FNDC3B: variants seen among roughly 807,000 people sequenced by gnomAD.
FNDC3B encodes fibronectin type III domain-containing protein 3B.
FNDC3B carries 12 observed loss-of-function variants against 151.5 expected under a neutral mutation model. The ratio of observed to expected loss-of-function variants is 0.08; its 90% CI spans 0.05 to 0.13. The LOEUF (loss-of-function observed/expected upper bound fraction) is 0.13. Among genes scored for constraint, FNDC3B ranks in the 10% least tolerant of loss-of-function variants. The pLI is 1.00. For synonymous variants in FNDC3B, 528 were observed against 549.0 expected (o/e 0.96, Z 0.54); for missense variants, 1,214 against 1,505.3 (o/e 0.81, Z 3.20).
chr3:172,196,444 C>T (rs1724837722), intron 3 of FNDC3B, among the ~76,000 whole-genome samples: 1 of 152,110 alleles, frequency 6.6e-6, no homozygotes, highest in Non-Finnish European at 1.5e-5. Context: ...CCCTGACCTA[C>T]CAAAGTACTG....
chr3:172,131,396 GAAAA>G (rs1236059229), intron 2 of FNDC3B, among the ~76,000 whole-genome samples: 4 of 106,334 alleles, frequency 3.8e-5, no homozygotes, highest in Admixed American at 9.8e-5. Context: ...TCCGTCTCAA[GAAAA>G]AAAAAAAAAA....
At chr3:172,097,373 A>G (rs1234335841) in intron 1 of FNDC3B, among the ~76,000 whole-genome samples, 1 of 152,236 alleles carries the variant, frequency 6.6e-6, no homozygotes, top group Non-Finnish European at 1.5e-5. Flanking sequence ...TCCCACAGCC[A>G]GAGTAGAATG....
intron 3 of FNDC3B, among the ~76,000 whole-genome samples, chr3:172,175,969 A>C (rs1723573261): frequency 6.6e-6 from 1 of 152,216 alleles, no homozygotes; most frequent in Admixed American, 6.5e-5. Context: ...TTATATGTCT[A>C]CACAGAATAT....
intron 5 of FNDC3B, among the ~76,000 whole-genome samples, chr3:172,248,138 C>T (rs1004126870): frequency 1.3e-5 from 2 of 152,212 alleles, no homozygotes; most frequent in South Asian, 2.1e-4. Context: ...TGTGGCACAT[C>T]GTTTCTTTGG....
intron 6 of FNDC3B, among the ~76,000 whole-genome samples, chr3:172,263,532 G>A (rs1368575678): frequency 6.8e-6 from 1 of 147,306 alleles, no homozygotes; most frequent in Non-Finnish European, 1.5e-5. Flanking sequence ...TAAAAATGAT[G>A]TGTTACTTAA....
At chr3:172,200,002 T>TATTCATTCATTCATTCATTC (rs1238059887) in intron 3 of FNDC3B, among the ~76,000 whole-genome samples, 154 of 150,872 alleles carry the variant, frequency 1.0e-3, no homozygotes, top group Non-Finnish European at 1.6e-3. Flanking sequence ...CAATACTTTG[T>TATTCATTCATTCATTCATTC]ATTCATTCAT....
intron 19 of FNDC3B, 94 bp from the exon 20 acceptor site, chr3:172,346,233 G>A: frequency 1.7e-6 from 1 of 599,460 alleles, no homozygotes; most frequent in South Asian, 2.5e-5. Context: ...TGTTAGCCTA[G>A]CTTTTATTTG....
intron 25 of FNDC3B, among the ~76,000 whole-genome samples, chr3:172,385,560 T>A (rs540363550): frequency 1.1e-4 from 17 of 149,468 alleles, no homozygotes; most frequent in African/African-American, 4.3e-4. Context: ...CAAGACCTTT[T>A]TTCTTTTTTT....
chr3:172,185,573 C>A (rs1485351970), intron 3 of FNDC3B, among the ~76,000 whole-genome samples: 1 of 152,106 alleles, frequency 6.6e-6, no homozygotes, highest in Non-Finnish European at 1.5e-5. Flanking sequence ...AGGTCTATTT[C>A]CTATTGAGAT....
At chr3:172,343,238 G>A (rs894047420) in intron 18 of FNDC3B, 122 bp downstream of exon 18, 3 of 634,550 alleles carry the variant, frequency 4.7e-6, no homozygotes, top group African/African-American at 1.8e-5. Context: ...GTCTGTTGAG[G>A]ATGTCCATAT....
At position 172,374,551 on chromosome 3, in the gene FNDC3B, C is replaced by T. The variant is rs140411199; in HGVS notation, c.3009-3719C>T. 4.5e-4 allele frequency among the ~76,000 whole-genome samples: 69 copies of T among 152,218 alleles called. No individual in the cohort carries two copies. The East Asian group carries it at 0.011, about 25-fold the overall frequency. On this transcript the variant is annotated intron_variant, in intron 23 of 25. Coordinates refer to ENST00000415807, the MANE Select transcript of FNDC3B (RefSeq NM_022763.4). ...CTGGGACTACAGGCACGCATCACCA[C>T]GCCTGGCTAATTTTTGTGTTTTTAG... is the stretch of plus-strand genomic sequence containing the variant.
chr3:172,231,508 AT>A (rs1226182116), intron 4 of FNDC3B, among the ~76,000 whole-genome samples: 1 of 152,196 alleles, frequency 6.6e-6, no homozygotes. Flanking sequence ...CCAGTTATGA[AT>A]TGGGAAACAA....
chr3:172,198,419 C>T (rs1724962723), intron 3 of FNDC3B, among the ~76,000 whole-genome samples: 1 of 152,326 alleles, frequency 6.6e-6, no homozygotes, highest in African/African-American at 2.4e-5. Context: ...TTTATTTTTA[C>T]ATCTTACTAT....
chr3:172,052,698 T>C (rs192197113), intron 1 of FNDC3B, among the ~76,000 whole-genome samples: 1 of 152,254 alleles, frequency 6.6e-6, no homozygotes, highest in African/African-American at 2.4e-5. Flanking sequence ...TGGGGTGGGA[T>C]CTGGAAATCC....
chr3:172,131,809 A>C (rs1721116767), intron 2 of FNDC3B, among the ~76,000 whole-genome samples: 1 of 152,212 alleles, frequency 6.6e-6, no homozygotes, highest in East Asian at 1.9e-4. Flanking sequence ...ACAGTAAATA[A>C]AGTTGACTTT....
chr3:172,389,981 G>A (rs370206080), intron 25 of FNDC3B, among the ~76,000 whole-genome samples: 2 of 152,196 alleles, frequency 1.3e-5, no homozygotes, highest in Non-Finnish European at 2.9e-5. Context: ...TGTGGTCTGT[G>A]TGTGCATCTT....
At chr3:172,244,648 G>A (rs566223705) in intron 4 of FNDC3B, among the ~76,000 whole-genome samples, 7 of 96,446 alleles carry the variant, frequency 7.3e-5, no homozygotes, top group Non-Finnish European at 1.2e-4. Flanking sequence ...TTTTTGAGTC[G>A]GCGTCTCCGT....
rs79472310 is a variant in FNDC3B at position 172,273,618 on chromosome 3, T to C, written c.791-12308T>C. On this transcript the variant is annotated intron_variant, in intron 6 of 25. Transcript: ENST00000415807. ...TGTGAGACTTTCATCCAGTGGCTGC[T>C]AGGAAGGTCAAATTAGGAACTTTTG... Among the ~76,000 whole-genome samples, 89 of 152,296 alleles carry C rather than the reference T, an allele frequency of 5.8e-4. 6 individuals are homozygous for C. In the East Asian group the frequency reaches 0.017, roughly 29 times the overall value.
At chr3:172,396,331 C>T (rs1186644687) in intron 25 of FNDC3B, among the ~76,000 whole-genome samples, 1 of 152,114 alleles carries the variant, frequency 6.6e-6, no homozygotes, top group Admixed American at 6.5e-5. Flanking sequence ...GTGTCTACCT[C>T]TTGGGGTGGA....
Sources: gnomAD v4.1 joint callset for allele counts (sites outside exome capture counted in the v4.1 genomes callset) on GRCh38, gnomAD v4.1.1 for gene constraint, MANE v1.5 for transcripts, NCBI Gene and HGNC (gene_info 2026-07-23, HGNC 2026-07-21) for gene names.